The following STK24 variants were observed in gnomAD, a reference collection of about 807,000 sequenced individuals.
The protein encoded by STK24 is serine/threonine kinase 24.
Under a neutral mutation model 55.6 loss-of-function variants are expected in STK24, and 21 were observed. The ratio of observed to expected loss-of-function variants is 0.38; its 90% CI spans 0.27 to 0.54. The LOEUF is 0.54. Ranked by LOEUF, STK24 falls within the 20% of genes least tolerant of loss-of-function variation. STK24 has a pLI of 0.79. For synonymous variants in STK24, 200 were observed against 215.2 expected (o/e 0.93, Z 0.62); for missense variants, 383 against 538.4 (o/e 0.71, Z 2.86).
chr13:98,524,055 C>A (rs1461071465), intron 1 of STK24, among the ~76,000 whole-genome samples: 1 of 152,136 alleles, frequency 6.6e-6, no homozygotes, highest in African/African-American at 2.4e-5. Flanking sequence ...CACCCAGCCC[C>A]AAAGCAGGCA....
At chr13:98,500,652 C>T (rs921026710) in intron 2 of STK24, among the ~76,000 whole-genome samples, 1 of 146,678 alleles carries the variant, frequency 6.8e-6, no homozygotes, top group African/African-American at 2.5e-5. Flanking sequence ...ACCATCGGCT[C>T]GCCAGTCAGT....
At chr13:98,503,850 A>G (rs1019760841) in intron 2 of STK24, among the ~76,000 whole-genome samples, 1 of 152,230 alleles carries the variant, frequency 6.6e-6, no homozygotes, top group Non-Finnish European at 1.5e-5. Flanking sequence ...CCCCAGGAAC[A>G]TGCCACGACT....
chr13:98,548,996 T>C (rs988191421), intron 1 of STK24, among the ~76,000 whole-genome samples: 3 of 151,534 alleles, frequency 2.0e-5, no homozygotes, highest in Middle Eastern at 3.2e-3. Flanking sequence ...TGCCCCGGGG[T>C]AGGACAATGG....
intron 2 of STK24, among the ~76,000 whole-genome samples, chr13:98,494,688 A>G (rs1895180059): frequency 6.6e-6 from 1 of 151,774 alleles, no homozygotes; most frequent in African/African-American, 2.4e-5. Context: ...TTGCTACTTC[A>G]TTTTTATTTT....
intron 6 of STK24, 90 bp downstream of exon 6, chr13:98,466,286 A>T (rs1477822942): frequency 7.7e-7 from 1 of 1,296,182 alleles, no homozygotes; most frequent in African/African-American, 1.5e-5. Context: ...AGACAGCTGA[A>T]AAGAGTGATT....
intron 5 of STK24, among the ~76,000 whole-genome samples, chr13:98,472,984 C>T (rs961167012): frequency 4.0e-4 from 61 of 152,030 alleles, no homozygotes; most frequent in African/African-American, 1.3e-3. Context: ...CCTTCTGCCC[C>T]GCCACTCTCT....
At position 98,502,450 on chromosome 13, in the gene STK24, T is replaced by C. The variant is rs1895509787; in HGVS notation, c.273+16793A>G. Among the ~76,000 whole-genome samples the C allele has an allele frequency of 1.3e-5, 2 of 152,188 alleles. 1 individual carries two copies. Among genetic ancestry groups the C allele is most frequent in the South Asian group, 4.2e-4 (2 of 4,814 alleles). On this transcript the variant is annotated intron_variant, in intron 2 of 10. Transcript: ENST00000539966. ...CTTCCACAGTCATAATGCTACGATT[T>C]GAATGTGTCCCCCAAAATTCATGGG...
chr13:98,472,518 C>G (rs1161891114), intron 5 of STK24, among the ~76,000 whole-genome samples: 2 of 152,192 alleles, frequency 1.3e-5, no homozygotes, highest in African/African-American at 4.8e-5. Context: ...TGATCTGAAA[C>G]TGCTTATTTA....
chr13:98,564,446 A>C (rs989443790), intron 1 of STK24, among the ~76,000 whole-genome samples: 11 of 152,180 alleles, frequency 7.2e-5, no homozygotes, highest in African/African-American at 2.7e-4. Flanking sequence ...GAGCATGGGG[A>C]GGGGTAGGTT....
chr13:98,511,030 ACT>A (rs1339868934), intron 2 of STK24, among the ~76,000 whole-genome samples: 1 of 152,118 alleles, frequency 6.6e-6, no homozygotes, highest in Non-Finnish European at 1.5e-5. Flanking sequence ...ACAGTGTCTC[ACT>A]CTGTTACCCA....
At chr13:98,483,517 G>A (rs551582639) in intron 2 of STK24, among the ~76,000 whole-genome samples, 15 of 152,256 alleles carry the variant, frequency 9.9e-5, no homozygotes, top group South Asian at 2.1e-4. Context: ...GTCTCACTGC[G>A]CTGACTCCAA....
intron 2 of STK24, among the ~76,000 whole-genome samples, chr13:98,509,821 A>G (rs1895820147): frequency 2.0e-5 from 3 of 149,548 alleles, no homozygotes; most frequent in Admixed American, 2.0e-4. Flanking sequence ...TATAATGTAT[A>G]CTGCCAGTTG....
At chr13:98,566,396 A>G (rs1464304037) in intron 1 of STK24, among the ~76,000 whole-genome samples, 2 of 152,204 alleles carry the variant, frequency 1.3e-5, no homozygotes, top group African/African-American at 4.8e-5. Flanking sequence ...GCCAGGGAGC[A>G]GGCAGTCGGG....
At chr13:98,459,166 C>T (rs929609547) in intron 9 of STK24, among the ~76,000 whole-genome samples, 1 of 152,206 alleles carries the variant, frequency 6.6e-6, no homozygotes, top group Non-Finnish European at 1.5e-5. Context: ...GGAGCACAGC[C>T]TGGAAATCCC....
rs1894086047 is a variant in STK24, at chr13:98,470,134, C to T, written c.598-3573G>A. On this transcript the variant is annotated intron_variant, in intron 5 of 10. Coordinates refer to ENST00000539966, the MANE Select transcript of STK24 (RefSeq NM_001032296.4). ...CTATTACTGCTTCTAGGAAAAATGA[C>T]AGCAGATCAAGAACTTGTGTCTGAG... Among the ~76,000 whole-genome samples the T allele has an allele frequency of 2.6e-5, 4 of 152,148 alleles. No individual in the cohort carries two copies. The South Asian group carries it at 8.3e-4, about 32-fold the overall frequency.
Position 98,463,839 on chromosome 13 carries a change from G to A in STK24, c.784-3C>T. On this transcript the variant is annotated splice_polypyrimidine_tract_variant and splice_region_variant and intron_variant, in intron 6 of 10. Transcript: ENST00000539966. ...AATAACTCCTTAGCAGTGGGTCTCT[G>A]GAAAAACACACCCAACAATTAAAGT... The A allele has an allele frequency of 6.2e-7, 1 of 1,610,676 alleles. No individual in the cohort carries two copies. Among genetic ancestry groups the A allele is most frequent in the Non-Finnish European group, 8.5e-7 (1 of 1,178,246 alleles).
chr13:98,497,603 G>A (rs992184157), intron 2 of STK24, among the ~76,000 whole-genome samples: 5 of 152,194 alleles, frequency 3.3e-5, no homozygotes, highest in African/African-American at 1.2e-4. Flanking sequence ...CCAAAACAGA[G>A]GTGGCTCAGG....
At chr13:98,568,426 C>T (rs1474897671) in intron 1 of STK24, among the ~76,000 whole-genome samples, 1 of 152,104 alleles carries the variant, frequency 6.6e-6, no homozygotes, top group Non-Finnish European at 1.5e-5. Flanking sequence ...GGGTAGACAG[C>T]CAGACAGCTT....
chr13:98,511,943 C>T (rs1393513548), intron 2 of STK24, among the ~76,000 whole-genome samples: 1 of 151,142 alleles, frequency 6.6e-6, no homozygotes, highest in Non-Finnish European at 1.5e-5. Flanking sequence ...CTGTGTCACC[C>T]AGGCTGGAGT....
Sources: gnomAD v4.1 joint callset for allele counts (sites outside exome capture counted in the v4.1 genomes callset) on GRCh38, gnomAD v4.1.1 for gene constraint, MANE v1.5 for transcripts, NCBI Gene and HGNC (gene_info 2026-07-23, HGNC 2026-07-21) for gene names.